METTL24: variants seen among roughly 807,000 people sequenced by gnomAD.
METTL24 encodes methyltransferase like 24.
A neutral mutation model predicts 32.7 loss-of-function variants in METTL24; 29 were observed. The ratio of observed to expected loss-of-function variants is 0.89; its 90% CI spans 0.66 to 1.21. The LOEUF is 1.21. Among genes scored for constraint, METTL24 ranks in the 50% most tolerant of loss-of-function variants. The pLI, the probability that METTL24 is intolerant of heterozygous loss-of-function variation, is 0.00. For synonymous variants in METTL24, 163 were observed against 179.5 expected (o/e 0.91, Z 0.73); for missense variants, 439 against 468.1 (o/e 0.94, Z 0.57).
At chr6:110,349,093 G>A (rs1182238352) in intron 1 of METTL24, among the ~76,000 whole-genome samples, 1 of 152,182 alleles carries the variant, frequency 6.6e-6, no homozygotes, top group Non-Finnish European at 1.5e-5. Context: ...AACAGCGAAC[G>A]TGAAACATGA....
At chr6:110,312,587 A>C (rs994674630) in intron 3 of METTL24, among the ~76,000 whole-genome samples, 1 of 152,248 alleles carries the variant, frequency 6.6e-6, no homozygotes, top group Middle Eastern at 3.2e-3. Context: ...TAAAGGAAAC[A>C]AATCAGACAC....
At chr6:110,265,136 A>AGAAG (rs1466772460) in intron 4 of METTL24, among the ~76,000 whole-genome samples, 42 of 1,452 alleles carry the variant, frequency 0.029, 1 homozygote, top group African/African-American at 0.14. Context: ...AAGGAAAGAA[A>AGAAG]GAAAGAAAGA....
intron 4 of METTL24, among the ~76,000 whole-genome samples, chr6:110,295,789 G>GAAAGA (rs1562228475): frequency 0.015 from 2,237 of 144,996 alleles, 62 homozygotes; most frequent in African/African-American, 0.055. Context: ...AGAAAAGAAA[G>GAAAGA]AAAGAAAGGA....
intron 3 of METTL24, among the ~76,000 whole-genome samples, chr6:110,304,572 G>T (rs1409626281): frequency 6.6e-6 from 1 of 152,174 alleles, no homozygotes; most frequent in African/African-American, 2.4e-5. Flanking sequence ...GGATATCAGA[G>T]ATTGAAGATC....
At chr6:110,265,981 A>G (rs370173522) in intron 4 of METTL24, among the ~76,000 whole-genome samples, 24 of 151,720 alleles carry the variant, frequency 1.6e-4, no homozygotes, top group African/African-American at 5.8e-4. Flanking sequence ...GCTCACTGCA[A>G]TCTCAAGCTC....
chr6:110,295,856 G>C (rs1297251757), intron 4 of METTL24, among the ~76,000 whole-genome samples: 1 of 126,990 alleles, frequency 7.9e-6, no homozygotes, highest in Non-Finnish European at 1.6e-5. Context: ...TCTATAAAAT[G>C]TACTAAAATT....
chr6:110,339,327 T>C (rs966001725), intron 1 of METTL24, among the ~76,000 whole-genome samples: 7 of 152,230 alleles, frequency 4.6e-5, no homozygotes, highest in African/African-American at 1.7e-4. Context: ...TACAAGTTAT[T>C]GAAATGACAT....
intron 3 of METTL24, among the ~76,000 whole-genome samples, chr6:110,309,535 T>A (rs1459861162): frequency 6.6e-6 from 1 of 152,032 alleles, no homozygotes; most frequent in Non-Finnish European, 1.5e-5. Flanking sequence ...AAGAAAGAGG[T>A]TTAATTGTAT....
At chr6:110,247,976 C>T (rs1778200138) in intron 4 of METTL24, among the ~76,000 whole-genome samples, 1 of 152,112 alleles carries the variant, frequency 6.6e-6, no homozygotes, top group African/African-American at 2.4e-5. Context: ...GTGGATCCCT[C>T]ATGAATGGTT....
At chr6:110,342,158 C>T (rs1479747161) in intron 1 of METTL24, among the ~76,000 whole-genome samples, 1 of 152,232 alleles carries the variant, frequency 6.6e-6, no homozygotes, top group Non-Finnish European at 1.5e-5. Flanking sequence ...AAAGCTAATG[C>T]ACTAGGAGGT....
At position 110,298,994 on chromosome 6, in the gene METTL24, AGCT is replaced by A. The variant is rs1771472706; in HGVS notation, c.711_713del (p.Ala238del). 6.2e-7 allele frequency: 1 copy of A among 1,614,110 alleles called. No homozygotes were observed. The highest frequency in any genetic ancestry group is 8.5e-7 in the Non-Finnish European group (1 of 1,180,054). Reference sequence around the variant, plus strand: ...TGCTATGTGGTTTTTGGGCAGCAACAGCTGGATGGGGATCCCGCCAGTCAATGG... The same window carrying A: ...TGCTATGTGGTTTTTGGGCAGCAACAGGATGGGGATCCCGCCAGTCAATGG... On this transcript the variant is annotated inframe_deletion, in exon 4 of 5. Coordinates refer to ENST00000338882, the MANE Select transcript of METTL24 (RefSeq NM_001123364.3).
intron 3 of METTL24, among the ~76,000 whole-genome samples, chr6:110,304,691 T>G (rs1445292881): frequency 6.6e-6 from 1 of 152,124 alleles, no homozygotes; most frequent in Non-Finnish European, 1.5e-5. Flanking sequence ...AACCTATAAT[T>G]GATTGGTGTA....
chr6:110,344,269 G>A (rs1400252907), intron 1 of METTL24, among the ~76,000 whole-genome samples: 3 of 152,094 alleles, frequency 2.0e-5, no homozygotes, highest in Non-Finnish European at 2.9e-5. Flanking sequence ...GGAAGTCAAG[G>A]ACTGTTCTCA....
intron 2 of METTL24, among the ~76,000 whole-genome samples, chr6:110,319,856 C>A (rs1156728834): frequency 6.6e-6 from 1 of 152,174 alleles, no homozygotes; most frequent in African/African-American, 2.4e-5. Context: ...TCTAGGGGTG[C>A]CACGCCCATT....
chr6:110,258,371 C>A (rs1421258259), intron 4 of METTL24, among the ~76,000 whole-genome samples: 1 of 152,178 alleles, frequency 6.6e-6, no homozygotes, highest in Non-Finnish European at 1.5e-5. Context: ...TCTTCAACTG[C>A]ATTTACATCT....
chr6:110,295,759 T>C (rs1771400652), intron 4 of METTL24, among the ~76,000 whole-genome samples: 1 of 134,616 alleles, frequency 7.4e-6, no homozygotes, highest in Non-Finnish European at 1.5e-5. Context: ...GAGAAATGTC[T>C]GATATATTTT....
At chr6:110,334,072 G>A (rs1048046759) in intron 1 of METTL24, among the ~76,000 whole-genome samples, 6 of 148,626 alleles carry the variant, frequency 4.0e-5, no homozygotes, top group African/African-American at 9.9e-5. Flanking sequence ...GAATGGAGAC[G>A]AGAACAGGAA....
intron 4 of METTL24, among the ~76,000 whole-genome samples, chr6:110,264,215 C>A (rs1049975347): frequency 6.6e-6 from 1 of 152,028 alleles, no homozygotes; most frequent in African/African-American, 2.4e-5. Flanking sequence ...TTTTTGCAAT[C>A]TACTCATCTG....
At chr6:110,253,759 A>G in intron 4 of METTL24, 1 of 696,606 alleles carries the variant, frequency 1.4e-6, no homozygotes, top group Non-Finnish European at 2.1e-6. Flanking sequence ...ACACGAGCAT[A>G]ACTGAAACAC....
Sources: allele counts gnomAD v4.1 joint callset (sites outside exome capture counted in the v4.1 genomes callset), GRCh38; gene constraint gnomAD v4.1.1; transcripts MANE v1.5; gene names NCBI Gene and HGNC (gene_info 2026-07-23, HGNC 2026-07-21).